Variants in ASB13 observed in about 807,000 individuals in gnomAD.
ASB13 encodes ankyrin repeat and SOCS box protein 13.
Under a neutral mutation model 28.8 loss-of-function variants are expected in ASB13, and 33 were observed. The ratio of observed to expected loss-of-function variants is 1.15; its 90% CI spans 0.87 to 1.53. The LOEUF (loss-of-function observed/expected upper bound fraction) is 1.53, where lower values mean the gene tolerates loss of function less well. Ranked by LOEUF, ASB13 falls within the 40% of genes most tolerant of loss-of-function variation. The pLI, the probability that ASB13 is intolerant of heterozygous loss-of-function variation, is 0.00. For missense variants in ASB13, 414 were observed against 390.1 expected (o/e 1.06, Z -0.52); for synonymous variants, 182 against 172.9 (o/e 1.05, Z -0.41).
rs1834818591 is a variant in ASB13, at chr10:5,642,283, G to C, written c.518-322C>G. Among the ~76,000 whole-genome samples the C allele has an allele frequency of 6.6e-6, 1 of 152,192 alleles. No individual in the cohort carries two copies. The highest frequency in any genetic ancestry group is 2.4e-5 in the African/African-American group (1 of 41,456). On this transcript the variant is annotated intron_variant, in intron 4 of 5. Coordinates refer to ENST00000357700, the MANE Select transcript of ASB13 (RefSeq NM_024701.4). This position sits in a 1 kb window ranked among gnomAD's most constrained non-coding sequence, Gnocchi z 4.1. ...CTAATGCCCTATCAATCTGCCTTCA[G>C]GGGTCCTGAGATTTCCGGAAGCTCA...
chr10:5,648,306 C>T lies in ASB13; in HGVS notation c.517+664G>A, dbSNP rs377383827. Among the ~76,000 whole-genome samples the T allele has an allele frequency of 3.0e-3, 458 of 151,086 alleles. 2 individuals are homozygous for T. The highest frequency in any genetic ancestry group is 0.01 in the African/African-American group (430 of 41,154). ...GGGCAAACACCCACTCAGGTAAACA[C>T]CCACTCAGGCAAACACCCCCTCGGG... On this transcript the variant is annotated intron_variant, in intron 4 of 5. Transcript: ENST00000357700.
rs1391354971 is a variant in ASB13 at position 5,661,689 on chromosome 10, G to A, written c.43+4820C>T. ...AATTTTTGTATTTTCTGTAGAGACA[G>A]GGTTTCACCATGTTGCCCAGGCTGG... On this transcript the variant is annotated intron_variant, in intron 1 of 5. Transcript: ENST00000357700. The surrounding 1 kb of genome is among the most constrained non-coding windows in gnomAD (Gnocchi z 4.9). Among the ~76,000 whole-genome samples, 1 of 152,050 alleles carries A rather than the reference G, an allele frequency of 6.6e-6. No individual in the cohort carries two copies. Among genetic ancestry groups the A allele is most frequent in the Non-Finnish European group, 1.5e-5 (1 of 68,010 alleles).
Position 5,660,215 on chromosome 10 carries a change from C to T in ASB13, c.43+6294G>A, listed in dbSNP as rs939915792. On this transcript the variant is annotated intron_variant, in intron 1 of 5. Coordinates refer to ENST00000357700, the MANE Select transcript of ASB13 (RefSeq NM_024701.4). The surrounding 1 kb of genome is among the most constrained non-coding windows in gnomAD (Gnocchi z 6.1). ...TCACCTATGTATCTACTGCAGACTACGGCAGACGTCACCTTGAGAAGGAAT... is the reference window on the plus strand; with the variant it reads ...TCACCTATGTATCTACTGCAGACTATGGCAGACGTCACCTTGAGAAGGAAT... Among the ~76,000 whole-genome samples the T allele has an allele frequency of 1.6e-4, 24 of 152,206 alleles. No homozygotes were observed. The highest frequency in any genetic ancestry group is 5.1e-4 in the African/African-American group (21 of 41,454).
In ASB13 at chr10:5,659,108, T is replaced by C. The variant is rs570836287; in HGVS notation, c.44-6058A>G. Among the ~76,000 whole-genome samples the C allele has an allele frequency of 5.1e-4, 78 of 152,180 alleles. No homozygotes were observed. The highest frequency in any genetic ancestry group is 1.0e-3 in the Non-Finnish European group (71 of 68,026). Reference sequence around the variant, plus strand: ...ACAGGAAATGCTGTCTGTTAGTGAATGGACTGGCCAGGATGGATTGCAGGC... The same window carrying C: ...ACAGGAAATGCTGTCTGTTAGTGAACGGACTGGCCAGGATGGATTGCAGGC... On this transcript the variant is annotated intron_variant, in intron 1 of 5. Transcript: ENST00000357700. The surrounding 1 kb of genome is among the most constrained non-coding windows in gnomAD (Gnocchi z 5.8).
rs56802263 is a variant in ASB13 at position 5,642,653 on chromosome 10, G to GTT, written c.518-694_518-693dup. ...AGTAGCTAAATATGGCTGGTTTTGG[G>GTT]TTTTTTTTTTTGAGACAGAGTCTCA... On this transcript the variant is annotated intron_variant, in intron 4 of 5. Coordinates refer to ENST00000357700, the MANE Select transcript of ASB13 (RefSeq NM_024701.4). The surrounding 1 kb of genome is among the most constrained non-coding windows in gnomAD (Gnocchi z 4.1). 0.29 allele frequency: 101,718 copies of GTT among 348,960 alleles called. 9,759 individuals are homozygous for GTT. The highest frequency in any genetic ancestry group is 0.32 in the South Asian group (12,092 of 37,244). 21.6% of individuals were successfully genotyped at this position (348,960 alleles called of 1,614,324 possible).
intron 4 of ASB13, among the ~76,000 whole-genome samples, chr10:5,648,169 GGGTAAACACCCACTCA>G (rs1834916306): frequency 1.1e-5 from 1 of 88,926 alleles, no homozygotes; most frequent in African/African-American, 4.6e-5. Flanking sequence ...ACACTCACGG[GGGTAAACACCCACTCA>G]GGTAAACACC....
Position 5,639,991 on chromosome 10 carries a change from T to A in ASB13, c.*712A>T, listed in dbSNP as rs1834780386. On this transcript the variant is annotated 3_prime_UTR_variant, in exon 6 of 6. Coordinates refer to ENST00000357700, the MANE Select transcript of ASB13 (RefSeq NM_024701.4). ...CTACATATAAACTTTTTACAAGAGTTGGAGACCTAATACTGAAGACAAATT... is the reference window on the plus strand; with the variant it reads ...CTACATATAAACTTTTTACAAGAGTAGGAGACCTAATACTGAAGACAAATT... 1 of 152,690 alleles carries A rather than the reference T, an allele frequency of 6.5e-6. No individual in the cohort carries two copies. Among genetic ancestry groups the A allele is most frequent in the Admixed American group, 6.5e-5 (1 of 15,280 alleles). The allele number at this position is 152,690 out of a possible 1,614,324, so 9.5% of individuals were successfully genotyped here.
At position 5,655,312 on chromosome 10, in the gene ASB13, AC is replaced by A. The variant is rs1835054199; in HGVS notation, c.44-2263del. ...ACTCAGCTCAGCCTTTTATCAGCTT[AC>A]CCAAAACACAACTTCCCTGAGTGTC... is the stretch of plus-strand genomic sequence containing the variant. On this transcript the variant is annotated intron_variant, in intron 1 of 5. Coordinates refer to ENST00000357700, the MANE Select transcript of ASB13 (RefSeq NM_024701.4). The surrounding 1 kb of genome is among the most constrained non-coding windows in gnomAD (Gnocchi z 6.2). Among the ~76,000 whole-genome samples the A allele has an allele frequency of 6.6e-6, 1 of 152,138 alleles. No homozygotes were observed. Among genetic ancestry groups the A allele is most frequent in the Non-Finnish European group, 1.5e-5 (1 of 68,030 alleles).
rs1272359342 is a variant in ASB13, at chr10:5,642,514, C to T, written c.518-553G>A. 2 of 1,244,428 alleles carry T rather than the reference C, an allele frequency of 1.6e-6. No homozygotes were observed. The highest frequency in any genetic ancestry group is 1.6e-5 in the African/African-American group (1 of 63,156). 77.1% of individuals were successfully genotyped at this position (1,244,428 alleles called of 1,614,324 possible). A position where few individuals can be genotyped will look rare whatever the true frequency, so the allele number is the denominator to read the frequency against. On this transcript the variant is annotated intron_variant, in intron 4 of 5. Coordinates refer to ENST00000357700, the MANE Select transcript of ASB13 (RefSeq NM_024701.4). The surrounding 1 kb of genome is among the most constrained non-coding windows in gnomAD (Gnocchi z 4.1). ...TTCAGAGAAGAGAGTAAGCTCTGCA[C>T]TCCTCAACTTTCTCACGATAAGAGC...
rs541732341 is a variant in ASB13, at chr10:5,661,746, G to A, written c.43+4763C>T. On this transcript the variant is annotated intron_variant, in intron 1 of 5. Coordinates refer to ENST00000357700, the MANE Select transcript of ASB13 (RefSeq NM_024701.4). The surrounding 1 kb of genome is among the most constrained non-coding windows in gnomAD (Gnocchi z 4.9). The stretch of plus-strand genomic sequence containing the variant: ...ACTCCTGGGTTCAAGTGATCCTCCC[G>A]CCTTGGCCTCCCTAAGTGCTGGGAT... Among the ~76,000 whole-genome samples the A allele has an allele frequency of 3.5e-4, 53 of 152,162 alleles. No homozygotes were observed. The highest frequency in any genetic ancestry group is 3.4e-3 in the Middle Eastern group (1 of 294).
chr10:5,648,056 C>A (rs1834913181), intron 4 of ASB13, among the ~76,000 whole-genome samples: 1 of 110,796 alleles, frequency 9.0e-6, no homozygotes, highest in Non-Finnish European at 2.3e-5. Context: ...AACACCCACT[C>A]AGGTAAACAC....
rs1471500160 is a variant in ASB13, at chr10:5,663,221, G to A, written c.43+3288C>T. Among the ~76,000 whole-genome samples, 2 of 152,158 alleles carry A rather than the reference G, an allele frequency of 1.3e-5. No individual in the cohort carries two copies. Among genetic ancestry groups the A allele is most frequent in the Non-Finnish European group, 2.9e-5 (2 of 68,010 alleles). On this transcript the variant is annotated intron_variant, in intron 1 of 5. Transcript: ENST00000357700. This position sits in a 1 kb window ranked among gnomAD's most constrained non-coding sequence, Gnocchi z 4.9. ...AGGGAAAGAATAAATGAAAGCAGAA[G>A]ACAAGGAGAAAAGAGGTGAAAATAG...
chr10:5,642,087 A>G lies in ASB13; in HGVS notation c.518-126T>C. On this transcript the variant is annotated intron_variant, in intron 4 of 5. Coordinates refer to ENST00000357700, the MANE Select transcript of ASB13 (RefSeq NM_024701.4). The surrounding 1 kb of genome is among the most constrained non-coding windows in gnomAD (Gnocchi z 4.1). The stretch of plus-strand genomic sequence containing the variant: ...TCCCCACCCAGAAGACAAAATCAGG[A>G]CAGACTCTACCGTAGCTTTCAAAAA... 5 of 874,240 alleles carry G rather than the reference A, an allele frequency of 5.7e-6. No homozygotes were observed. Among genetic ancestry groups the G allele is most frequent in the Non-Finnish European group, 8.8e-6 (5 of 570,002 alleles). 54.2% of individuals were successfully genotyped at this position (874,240 alleles called of 1,614,324 possible).
rs563195226 is a variant in ASB13 at position 5,642,273 on chromosome 10, T to G, written c.518-312A>C. Among the ~76,000 whole-genome samples, 1 of 152,266 alleles carries G rather than the reference T, an allele frequency of 6.6e-6. No individual in the cohort carries two copies. Among genetic ancestry groups the G allele is most frequent in the South Asian group, 2.1e-4 (1 of 4,828 alleles). On this transcript the variant is annotated intron_variant, in intron 4 of 5. Transcript: ENST00000357700. The surrounding 1 kb of genome is among the most constrained non-coding windows in gnomAD (Gnocchi z 4.1). ...AACAACCGTTCTAATGCCCTATCAA[T>G]CTGCCTTCAGGGGTCCTGAGATTTC...
rs1169745049 is a variant in ASB13, at chr10:5,659,211, C to T, written c.44-6161G>A. Among the ~76,000 whole-genome samples the T allele has an allele frequency of 1.3e-5, 2 of 152,148 alleles. No homozygotes were observed. The highest frequency in any genetic ancestry group is 2.4e-5 in the African/African-American group (1 of 41,420). On this transcript the variant is annotated intron_variant, in intron 1 of 5. Transcript: ENST00000357700. The surrounding 1 kb of genome is among the most constrained non-coding windows in gnomAD (Gnocchi z 5.8). ...CCAATCCCTGCACCCTCTCCCTTGG[C>T]GGAGCACCGCCTTGGAAACCCGAGA...
In ASB13 at chr10:5,663,552, G is replaced by A. The variant is rs1835207827; in HGVS notation, c.43+2957C>T. ...CTCAGGACCCCTGAGCTCTGATCCT[G>A]CATCCTCCCTGTCTCAGTTAAGGGA... On this transcript the variant is annotated intron_variant, in intron 1 of 5. Coordinates refer to ENST00000357700, the MANE Select transcript of ASB13 (RefSeq NM_024701.4). This position sits in a 1 kb window ranked among gnomAD's most constrained non-coding sequence, Gnocchi z 4.9. Among the ~76,000 whole-genome samples, 1 of 152,134 alleles carries A rather than the reference G, an allele frequency of 6.6e-6. No homozygotes were observed. The highest frequency in any genetic ancestry group is 2.1e-4 in the South Asian group (1 of 4,820).
At position 5,656,306 on chromosome 10, in the gene ASB13, A is replaced by G. The variant is rs572160206; in HGVS notation, c.44-3256T>C. 6.6e-5 allele frequency among the ~76,000 whole-genome samples: 10 copies of G among 152,320 alleles called. No individual in the cohort carries two copies. The East Asian group carries it at 1.9e-3, about 29-fold the overall frequency. Reference sequence around the variant, plus strand: ...TGTAATCCCAGCACTTTGGGAGGCCAAGGCGGGTGGATCACGAGGTCAGGA... The same window carrying G: ...TGTAATCCCAGCACTTTGGGAGGCCGAGGCGGGTGGATCACGAGGTCAGGA... On this transcript the variant is annotated intron_variant, in intron 1 of 5. Transcript: ENST00000357700. This position sits in a 1 kb window ranked among gnomAD's most constrained non-coding sequence, Gnocchi z 4.3.
In ASB13 at chr10:5,642,530, C is replaced by T. The variant is rs77259484; in HGVS notation, c.518-569G>A. On this transcript the variant is annotated intron_variant, in intron 4 of 5. Transcript: ENST00000357700. The surrounding 1 kb of genome is among the most constrained non-coding windows in gnomAD (Gnocchi z 4.1). Reference sequence around the variant, plus strand: ...AGCTCTGCACTCCTCAACTTTCTCACGATAAGAGCAGACATTCATCAAGCT... The same window carrying T: ...AGCTCTGCACTCCTCAACTTTCTCATGATAAGAGCAGACATTCATCAAGCT... 8.1e-3 allele frequency: 10,033 copies of T among 1,244,026 alleles called. 65 individuals carry two copies. Among genetic ancestry groups the T allele is most frequent in the Middle Eastern group, 0.03 (132 of 4,466 alleles). 77.1% of individuals were successfully genotyped at this position (1,244,026 alleles called of 1,614,324 possible). A position where few individuals can be genotyped will look rare whatever the true frequency, so the allele number is the denominator to read the frequency against.
At position 5,659,465 on chromosome 10, in the gene ASB13, A is replaced by C. The variant is rs564973785; in HGVS notation, c.44-6415T>G. 3.5e-4 allele frequency among the ~76,000 whole-genome samples: 53 copies of C among 152,298 alleles called. 1 individual carries two copies. The highest frequency in any genetic ancestry group is 3.4e-3 in the Middle Eastern group (1 of 294). ...TCCCCAGGCTCCCCGTCATGCACAC[A>C]GCCGTGTCCAGTGACACCAAACTCT... On this transcript the variant is annotated intron_variant, in intron 1 of 5. Coordinates refer to ENST00000357700, the MANE Select transcript of ASB13 (RefSeq NM_024701.4). This position sits in a 1 kb window ranked among gnomAD's most constrained non-coding sequence, Gnocchi z 5.8.
Sources: gnomAD v4.1 joint callset for allele counts (sites outside exome capture counted in the v4.1 genomes callset) on GRCh38, gnomAD v4.1.1 for gene constraint, Gnocchi (gnomAD v3.1) non-coding constraint, MANE v1.5 for transcripts, NCBI Gene and HGNC (gene_info 2026-07-23, HGNC 2026-07-21) for gene names.